Variants in PLLP observed in about 807,000 individuals in gnomAD.
PLLP encodes the protein plasma membrane proteolipid (plasmolipin).
In PLLP, 15 loss-of-function variants were observed where a neutral mutation model predicts 19.7. That is an observed-to-expected ratio of 0.76 (90% CI 0.51 to 1.17). The LOEUF (loss-of-function observed/expected upper bound fraction) is 1.17. Ranked by LOEUF, PLLP falls within the 50% of genes most tolerant of loss-of-function variation. The probability of loss-of-function intolerance (pLI) is 0.00; values close to 1 mark genes in which losing one functional copy is unlikely to be tolerated. For missense variants in PLLP, 255 were observed against 258.3 expected (o/e 0.99, Z 0.09); for synonymous variants, 111 against 116.3 (o/e 0.95, Z 0.29).
chr16:57,261,063 C>T (rs1467008508), intron 2 of PLLP, among the ~76,000 whole-genome samples: 1 of 151,746 alleles, frequency 6.6e-6, no homozygotes, highest in Non-Finnish European at 1.5e-5. Flanking sequence ...TCTCGGCTCA[C>T]TGCAATCTCC....
chr16:57,281,660 A>G (rs976798448), intron 1 of PLLP, among the ~76,000 whole-genome samples: 2 of 151,590 alleles, frequency 1.3e-5, no homozygotes, highest in African/African-American at 2.4e-5. Flanking sequence ...GCAGGCACCC[A>G]CCACCATGCC....
chr16:57,269,077 G>A (rs2075466437), intron 1 of PLLP, among the ~76,000 whole-genome samples: 2 of 152,162 alleles, frequency 1.3e-5, no homozygotes, highest in South Asian at 2.1e-4. Context: ...ATCTCCCTTG[G>A]AGCTGCACTC....
intron 2 of PLLP, 78 bp downstream of exon 2, chr16:57,261,819 C>A: frequency 1.5e-6 from 2 of 1,351,506 alleles, no homozygotes; most frequent in African/African-American, 1.4e-5. Context: ...GGCCACCCCC[C>A]CACACCCTGC....
intron 1 of PLLP, among the ~76,000 whole-genome samples, chr16:57,271,147 A>C (rs995919849): frequency 1.3e-5 from 2 of 152,090 alleles, no homozygotes; most frequent in Admixed American, 6.6e-5. Context: ...TGGGTCTCAG[A>C]GCAGAGAGCA....
At chr16:57,274,160 T>C (rs578048583) in intron 1 of PLLP, among the ~76,000 whole-genome samples, 15 of 152,170 alleles carry the variant, frequency 9.9e-5, no homozygotes, top group African/African-American at 2.7e-4. Flanking sequence ...ATTTTTAAAT[T>C]TGTATAGAGA....
chr16:57,264,098 G>C (rs1156642524), intron 1 of PLLP, among the ~76,000 whole-genome samples: 25 of 152,136 alleles, frequency 1.6e-4, no homozygotes, highest in Non-Finnish European at 2.1e-4. Context: ...GACAGAGCTG[G>C]GGTGCCTGCC....
rs2075424890 is a variant in PLLP at position 57,256,172 on chromosome 16, G to A, written c.*741C>T. 1 of 396,416 alleles carries A rather than the reference G, an allele frequency of 2.5e-6. No homozygotes were observed. Among genetic ancestry groups the A allele is most frequent in the Non-Finnish European group, 4.4e-6 (1 of 225,200 alleles). The allele number at this position is 396,416 out of a possible 1,614,324, so 24.6% of individuals were successfully genotyped here. On this transcript the variant is annotated 3_prime_UTR_variant, in exon 4 of 4. Coordinates refer to ENST00000219207, the MANE Select transcript of PLLP (RefSeq NM_015993.3). ...AACCACATGACAACTCGCCAGGCAAGGCCTTGCTTCCCTCCCTCCTTTGCG... is the reference window on the plus strand; with the variant it reads ...AACCACATGACAACTCGCCAGGCAAAGCCTTGCTTCCCTCCCTCCTTTGCG...
chr16:57,261,555 A>G (rs1247054511), intron 2 of PLLP, among the ~76,000 whole-genome samples: 1 of 152,098 alleles, frequency 6.6e-6, no homozygotes, highest in Admixed American at 6.6e-5. Context: ...CTCTTCTACA[A>G]AAAATAAAAA....
At chr16:57,269,944 T>C (rs1324064602) in intron 1 of PLLP, among the ~76,000 whole-genome samples, 4 of 152,074 alleles carry the variant, frequency 2.6e-5, no homozygotes, top group Non-Finnish European at 5.9e-5. Flanking sequence ...AATTTTTGTA[T>C]TTTTGGTATA....
At position 57,262,048 on chromosome 16, in the gene PLLP, G is replaced by A. The variant is rs149486153; in HGVS notation, c.158C>T (p.Ala53Val). The change falls in exon 2 of 4, where the codon GCG becomes GTG. Residue 53 changes from alanine to valine, a missense_variant. By Grantham distance (64) the Ala-to-Val change is moderately conservative (BLOSUM62 0). Transcript: ENST00000219207. ...GTGGTACGGGGTGTCCGCAATCAGCGCCCACACCAGCAGCCCCAGCACCTA... is the reference window on the plus strand; with the variant it reads ...GTGGTACGGGGTGTCCGCAATCAGCACCCACACCAGCAGCCCCAGCACCTA... Reference protein sequence around the residue: ...LQLVLGLLVWALIADTPYHLY... With the variant: ...LQLVLGLLVWVLIADTPYHLY... The A allele has an allele frequency of 7.3e-5, 118 of 1,614,040 alleles. No individual in the cohort carries two copies. The highest frequency in any genetic ancestry group is 4.3e-4 in the African/African-American group (32 of 74,938).
rs536336334 is a variant in PLLP at position 57,276,274 on chromosome 16, T to C, written c.135+8132A>G. Among the ~76,000 whole-genome samples the C allele has an allele frequency of 1.1e-4, 16 of 152,236 alleles. No homozygotes were observed. The South Asian group carries it at 3.1e-3, about 30-fold the overall frequency. ...GAGTTCGAGGCCAGTCTGGCCGACA[T>C]GGTGAAACCCTGTCTCTACTAAAAA... is the stretch of plus-strand genomic sequence containing the variant. On this transcript the variant is annotated intron_variant, in intron 1 of 3. Coordinates refer to ENST00000219207, the MANE Select transcript of PLLP (RefSeq NM_015993.3).
chr16:57,264,036 G>A (rs955883652), intron 1 of PLLP, among the ~76,000 whole-genome samples: 1 of 152,172 alleles, frequency 6.6e-6, no homozygotes, highest in African/African-American at 2.4e-5. Context: ...CCCAGCAGCT[G>A]AGGGGCTGCC....
intron 1 of PLLP, among the ~76,000 whole-genome samples, chr16:57,264,903 A>C (rs1238972942): frequency 6.6e-6 from 1 of 152,268 alleles, no homozygotes; most frequent in Admixed American, 6.5e-5. Context: ...TAAATTAACA[A>C]AATAAATTAA....
intron 2 of PLLP, among the ~76,000 whole-genome samples, chr16:57,259,347 C>T (rs752301344): frequency 1.3e-5 from 2 of 152,268 alleles, no homozygotes; most frequent in Non-Finnish European, 2.9e-5. Flanking sequence ...TGGGCTGGGC[C>T]TCACATCCCT....
At position 57,284,475 on chromosome 16, in the gene PLLP, C is replaced by T. The variant is rs1177353585; in HGVS notation, c.66G>A (p.Ser22=). 12 of 1,435,840 alleles carry T rather than the reference C, an allele frequency of 8.4e-6. No individual in the cohort carries two copies. The highest frequency in any genetic ancestry group is 1.1e-5 in the Non-Finnish European group (12 of 1,090,492). 88.9% of individuals were successfully genotyped at this position (1,435,840 alleles called of 1,614,324 possible). The change falls in exon 1 of 4, where the codon TCG becomes TCA. Residue 22 remains serine (S), a synonymous_variant. Transcript: ENST00000219207. ...TSSPAQGAEA[S]VSALRPDLGF... is the part of the protein sequence containing the mutation. ...CCAGGTCCGGGCGCAGCGCCGACAC[C>T]GAGGCTTCGGCGCCCTGCGCAGGAC... is the stretch of plus-strand genomic sequence containing the variant.
At chr16:57,272,489 G>C (rs1327370414) in intron 1 of PLLP, among the ~76,000 whole-genome samples, 1 of 152,236 alleles carries the variant, frequency 6.6e-6, no homozygotes, top group Non-Finnish European at 1.5e-5. Flanking sequence ...GAAGTATATA[G>C]AGCCTCATCA....
In PLLP at chr16:57,256,781, G is replaced by A; in HGVS notation, c.*132C>T. 4.7e-6 allele frequency: 3 copies of A among 642,832 alleles called. No individual in the cohort carries two copies. Among genetic ancestry groups the A allele is most frequent in the Admixed American group, 2.5e-5 (1 of 39,966 alleles). The allele number at this position is 642,832 out of a possible 1,614,324, so 39.8% of individuals were successfully genotyped here. On this transcript the variant is annotated 3_prime_UTR_variant, in exon 4 of 4. Coordinates refer to ENST00000219207, the MANE Select transcript of PLLP (RefSeq NM_015993.3). The stretch of plus-strand genomic sequence containing the variant: ...CGCTGTGAGAGCTTATGTCTGACGG[G>A]CAGAGAGGAGCAAATGCAGTCCCTG...
chr16:57,256,218 A>G lies in PLLP; in HGVS notation c.*695T>C, dbSNP rs2075425015. 1.0e-5 allele frequency: 4 copies of G among 394,764 alleles called. No individual in the cohort carries two copies. Among genetic ancestry groups the G allele is most frequent in the African/African-American group, 6.2e-5 (3 of 48,574 alleles). 24.5% of individuals were successfully genotyped at this position (394,764 alleles called of 1,614,324 possible). On this transcript the variant is annotated 3_prime_UTR_variant, in exon 4 of 4. Coordinates refer to ENST00000219207, the MANE Select transcript of PLLP (RefSeq NM_015993.3). Reference sequence around the variant, plus strand: ...TTGCGTCCCATGTGCCTAGTCAGCAAGGTCGGGGAGGCACCGATGTTAGCT... The same window carrying G: ...TTGCGTCCCATGTGCCTAGTCAGCAGGGTCGGGGAGGCACCGATGTTAGCT...
At chr16:57,259,022 C>T (rs2075434572) in intron 2 of PLLP, among the ~76,000 whole-genome samples, 2 of 150,754 alleles carry the variant, frequency 1.3e-5, no homozygotes. Context: ...GTGATGCAAA[C>T]ACCTGGGTCT....
Sources: allele counts gnomAD v4.1 joint callset (sites outside exome capture counted in the v4.1 genomes callset), GRCh38; gene constraint gnomAD v4.1.1; transcripts MANE v1.5; gene names NCBI Gene and HGNC (gene_info 2026-07-23, HGNC 2026-07-21).